Variants in ARHGAP18 observed in about 807,000 individuals in gnomAD.
ARHGAP18 encodes Rho GTPase activating protein 18, also known as rho GTPase-activating protein 18.
Under a neutral mutation model 86.2 loss-of-function variants are expected in ARHGAP18, and 67 were observed. The ratio of observed to expected loss-of-function variants is 0.78; its 90% CI spans 0.64 to 0.95. ARHGAP18 has a LOEUF of 0.95. ARHGAP18 is among the 40% of genes least tolerant of loss of function. The pLI is 0.00. For missense variants in ARHGAP18, 691 were observed against 780.4 expected (o/e 0.89, Z 1.37); for synonymous variants, 283 against 280.4 (o/e 1.01, Z -0.09).
chr6:129,584,265 A>T (rs1186731637), intron 12 of ARHGAP18, among the ~76,000 whole-genome samples, 153 bp from the exon 13 acceptor site: 1 of 152,260 alleles, frequency 6.6e-6, no homozygotes, highest in Non-Finnish European at 1.5e-5. Context: ...GCAAAATTAC[A>T]TCAAACCTCA....
intron 10 of ARHGAP18, among the ~76,000 whole-genome samples, chr6:129,603,717 C>T (rs558594643): frequency 3.9e-4 from 60 of 152,306 alleles, no homozygotes; most frequent in African/African-American, 1.4e-3. Flanking sequence ...TAAAATCAGT[C>T]TTCACTATTG....
chr6:129,633,973 T>A (rs1175244434), intron 4 of ARHGAP18, 69 bp downstream of exon 4: 1 of 1,345,392 alleles, frequency 7.4e-7, no homozygotes. Flanking sequence ...TAATGTTTTA[T>A]AAGACTGTAA....
chr6:129,598,234 T>G (rs1788660582), intron 12 of ARHGAP18, among the ~76,000 whole-genome samples: 1 of 152,210 alleles, frequency 6.6e-6, no homozygotes, highest in African/African-American at 2.4e-5. Flanking sequence ...TATTTACAAC[T>G]TCTCTTTATG....
intron 1 of ARHGAP18, among the ~76,000 whole-genome samples, chr6:129,708,197 C>T (rs1268648689): frequency 6.6e-6 from 1 of 152,208 alleles, no homozygotes; most frequent in Non-Finnish European, 1.5e-5. Context: ...TCAAACCAGG[C>T]TCCCATCTTC....
intron 4 of ARHGAP18, among the ~76,000 whole-genome samples, chr6:129,633,469 C>T (rs1382742428): frequency 2.0e-5 from 3 of 150,526 alleles, no homozygotes; most frequent in African/African-American, 7.3e-5. Flanking sequence ...TTCTTCCATA[C>T]CTCGAGTTTC....
chr6:129,606,195 C>T (rs572330044), intron 9 of ARHGAP18, among the ~76,000 whole-genome samples: 8 of 152,290 alleles, frequency 5.3e-5, no homozygotes, highest in South Asian at 4.1e-4. Flanking sequence ...GATCATATGA[C>T]GTGCGGCCTT....
At chr6:129,669,208 C>G (rs186172161) in intron 1 of ARHGAP18, among the ~76,000 whole-genome samples, 260 of 151,644 alleles carry the variant, frequency 1.7e-3, no homozygotes, top group Admixed American at 7.2e-3. Flanking sequence ...GTCTCGCTCT[C>G]TCGCCCAGGC....
chr6:129,701,757 G>T (rs778102943), intron 1 of ARHGAP18, among the ~76,000 whole-genome samples: 3 of 151,866 alleles, frequency 2.0e-5, no homozygotes, highest in African/African-American at 7.3e-5. Flanking sequence ...GTGACAGAGC[G>T]AGATTCCATC....
chr6:129,602,606 T>G (rs1190519334), intron 10 of ARHGAP18, among the ~76,000 whole-genome samples: 1 of 152,160 alleles, frequency 6.6e-6, no homozygotes, highest in Non-Finnish European at 1.5e-5. Context: ...TATCTAACAA[T>G]GAGATTTATG....
intron 5 of ARHGAP18, among the ~76,000 whole-genome samples, chr6:129,619,937 G>A (rs2114472330): frequency 6.6e-6 from 1 of 151,872 alleles, no homozygotes; most frequent in South Asian, 2.1e-4. Flanking sequence ...TCTGTAAAAT[G>A]GGAGATGGAG....
rs79361254 is a variant in ARHGAP18 at position 129,644,359 on chromosome 6, A to G, written c.114-2341T>C. On this transcript the variant is annotated intron_variant, in intron 1 of 14. Coordinates refer to ENST00000368149, the MANE Select transcript of ARHGAP18 (RefSeq NM_033515.3). ...ATTCTTAAATTAACATGTAAATGAG[A>G]AAGTCATCCCTCTCTTAAAAATAAA... Among the ~76,000 whole-genome samples, 1,298 of 152,288 alleles carry G rather than the reference A, an allele frequency of 8.5e-3. 21 individuals carry two copies. The highest frequency in any genetic ancestry group is 0.03 in the African/African-American group (1,249 of 41,562).
chr6:129,645,475 A>C (rs1773558872), intron 1 of ARHGAP18, among the ~76,000 whole-genome samples: 1 of 152,186 alleles, frequency 6.6e-6, no homozygotes, highest in Non-Finnish European at 1.5e-5. Context: ...AAATCAAAGA[A>C]ACACACAGTT....
chr6:129,638,369 C>T (rs1773375838), intron 3 of ARHGAP18, 25 bp downstream of exon 3: 2 of 1,598,580 alleles, frequency 1.3e-6, no homozygotes, highest in Admixed American at 3.4e-5. Flanking sequence ...ATTCCTTTGC[C>T]TTAACATCAA....
At chr6:129,626,577 A>G (rs1438474132) in intron 5 of ARHGAP18, among the ~76,000 whole-genome samples, 2 of 151,978 alleles carry the variant, frequency 1.3e-5, no homozygotes, top group South Asian at 2.1e-4. Context: ...CTGATGGCTT[A>G]ACGATACAAA....
Position 129,578,413 on chromosome 6 carries a change from A to G in ARHGAP18, c.*100T>C, listed in dbSNP as rs939373225. ...AGTCATTTTTAAATACTTGGGTACA[A>G]CTGAATAATATGAGTCCTGCCATTT... On this transcript the variant is annotated 3_prime_UTR_variant, in exon 15 of 15. Transcript: ENST00000368149. 2 of 865,170 alleles carry G rather than the reference A, an allele frequency of 2.3e-6. No individual in the cohort carries two copies. The highest frequency in any genetic ancestry group is 3.4e-5 in the African/African-American group (2 of 58,870). The allele number at this position is 865,170 out of a possible 1,614,324, so 53.6% of individuals were successfully genotyped here. A position where few individuals can be genotyped will look rare whatever the true frequency, so the allele number is the denominator to read the frequency against.
rs1275217732 is a variant in ARHGAP18, at chr6:129,697,869, CTT to C, written c.113+12153_113+12154del. Among the ~76,000 whole-genome samples the C allele has an allele frequency of 2.7e-4, 41 of 152,244 alleles. 1 individual carries two copies. The highest frequency in any genetic ancestry group is 2.6e-3 in the Admixed American group (39 of 15,290). The stretch of plus-strand genomic sequence containing the variant: ...TATTCCATCAGATGATATACCATAA[CTT>C]TGTATTATTTGGACAATGAGAAATA... On this transcript the variant is annotated intron_variant, in intron 1 of 14. Coordinates refer to ENST00000368149, the MANE Select transcript of ARHGAP18 (RefSeq NM_033515.3).
chr6:129,580,417 C>T (rs890618609), intron 13 of ARHGAP18, among the ~76,000 whole-genome samples: 5 of 152,098 alleles, frequency 3.3e-5, no homozygotes, highest in South Asian at 2.1e-4. Context: ...GTAACATTTC[C>T]GCTGCCAATC....
intron 3 of ARHGAP18, among the ~76,000 whole-genome samples, chr6:129,634,966 A>T (rs1281173841): frequency 6.6e-6 from 1 of 152,102 alleles, no homozygotes. Flanking sequence ...AAACATCTGA[A>T]GGAATTCCTG....
chr6:129,685,871 CCCT>C (rs1320250085), intron 1 of ARHGAP18, among the ~76,000 whole-genome samples: 2 of 152,152 alleles, frequency 1.3e-5, no homozygotes, highest in Non-Finnish European at 2.9e-5. Context: ...CCTACTCAAG[CCCT>C]CCTCTAGGAA....
Sources: allele counts gnomAD v4.1 joint callset (sites outside exome capture counted in the v4.1 genomes callset), GRCh38; gene constraint gnomAD v4.1.1; transcripts MANE v1.5; gene names NCBI Gene and HGNC (gene_info 2026-07-23, HGNC 2026-07-21).